ADD1: variants seen among roughly 807,000 people sequenced by gnomAD.
ADD1 encodes adducin 1, also known as alpha-adducin.
In ADD1, 24 loss-of-function variants were observed where a neutral mutation model predicts 80.5. The observed-to-expected ratio is 0.30, with a 90% CI of 0.22 to 0.42. The LOEUF (loss-of-function observed/expected upper bound fraction) is 0.42, where lower values mean the gene tolerates loss of function less well. ADD1 is among the 10% of genes least tolerant of loss of function. The probability of loss-of-function intolerance (pLI) is 1.00; values close to 1 mark genes in which losing one functional copy is unlikely to be tolerated. For synonymous variants in ADD1, 373 were observed against 393.8 expected, an observed-to-expected ratio of 0.95 and a Z score of 0.63; for missense variants, 948 against 1,019.0, an observed-to-expected ratio of 0.93 and a Z score of 0.95.
At chr4:2,899,173 T>C (rs1735755047) in intron 8 of ADD1, 86 bp from the exon 9 acceptor site, 20 of 1,379,776 alleles carry the variant, frequency 1.4e-5, no homozygotes, top group Non-Finnish European at 1.9e-5. Flanking sequence ...TTTGGTTTCT[T>C]TTGAAACCTA....
intron 2 of ADD1, among the ~76,000 whole-genome samples, chr4:2,879,605 G>A (rs1358238401): frequency 6.6e-6 from 1 of 152,036 alleles, no homozygotes. Flanking sequence ...TTCAGGAGAT[G>A]CCATCTGTAT....
chr4:2,922,842 G>C (rs995408122), intron 14 of ADD1, among the ~76,000 whole-genome samples: 1 of 152,260 alleles, frequency 6.6e-6, no homozygotes, highest in Non-Finnish European at 1.5e-5. Flanking sequence ...CGCCCAGGGA[G>C]GAGGAATCTA....
intron 1 of ADD1, among the ~76,000 whole-genome samples, chr4:2,865,596 T>G (rs1480102462): frequency 6.6e-6 from 1 of 152,238 alleles, no homozygotes; most frequent in Non-Finnish European, 1.5e-5. Context: ...TTGTTGATTA[T>G]TAAATTCTGT....
chr4:2,900,679 A>C (rs1451764128), intron 9 of ADD1: 1 of 152,214 alleles, frequency 6.6e-6, no homozygotes, highest in Non-Finnish European at 1.5e-5. Flanking sequence ...AAATGTTCTT[A>C]CTGAAATTCT....
At chr4:2,896,708 C>G (rs935611136) in intron 6 of ADD1, among the ~76,000 whole-genome samples, 6 of 152,042 alleles carry the variant, frequency 3.9e-5, no homozygotes, top group African/African-American at 1.5e-4. Flanking sequence ...TTTTAAAGAA[C>G]TATTAAAGGT....
intron 14 of ADD1, among the ~76,000 whole-genome samples, chr4:2,921,648 T>C (rs1456110328): frequency 6.6e-6 from 1 of 152,148 alleles, no homozygotes; most frequent in African/African-American, 2.4e-5. Context: ...ATCTCTGTGG[T>C]GTTTCTGTAT....
intron 9 of ADD1, among the ~76,000 whole-genome samples, chr4:2,904,481 A>ACATTGT (rs1736708034): frequency 6.6e-6 from 1 of 152,238 alleles, no homozygotes; most frequent in Non-Finnish European, 1.5e-5. Context: ...TGTCACTATA[A>ACATTGT]GCCTTCTTAT....
At chr4:2,914,711 A>ATACC in intron 13 of ADD1, 173 bp from the exon 14 acceptor site, 1 of 647,784 alleles carries the variant, frequency 1.5e-6, no homozygotes, top group Non-Finnish European at 2.6e-6. Context: ...TTTCCATTAT[A>ATACC]TACCACTGAA....
At chr4:2,881,826 T>C in intron 2 of ADD1, 72 bp from the exon 3 acceptor site, 1 of 1,395,002 alleles carries the variant, frequency 7.2e-7, no homozygotes, top group African/African-American at 1.5e-5. Context: ...GTCTATGTGA[T>C]AGCTACTTCT....
intron 11 of ADD1, 72 bp from the exon 12 acceptor site, chr4:2,908,443 A>AC (rs2109082766): frequency 7.2e-7 from 1 of 1,379,382 alleles, no homozygotes; most frequent in East Asian, 2.3e-5. Flanking sequence ...GCCCAAGTGC[A>AC]CAAGCAGCAG....
At chr4:2,882,766 G>A (rs573069101) in intron 3 of ADD1, among the ~76,000 whole-genome samples, 190 of 152,300 alleles carry the variant, frequency 1.2e-3, no homozygotes, top group African/African-American at 4.3e-3. Context: ...AATGTCTACA[G>A]AATATTAAGA....
chr4:2,928,112 AG>A, intron 15 of ADD1, 58 bp from the exon 16 acceptor site: 1 of 1,486,176 alleles, frequency 6.7e-7, no homozygotes, highest in South Asian at 1.2e-5. Context: ...CCCCATCTCA[AG>A]CTGCCCTTTG....
At chr4:2,915,137 A>G in intron 14 of ADD1, 97 bp downstream of exon 14, 1 of 1,332,492 alleles carries the variant, frequency 7.5e-7, no homozygotes, top group Middle Eastern at 1.9e-4. Context: ...TGGTGATAAG[A>G]ATAGTCACAT....
Position 2,928,538 on chromosome 4 carries a change from C to T in ADD1, c.*15C>T. 1 of 1,609,614 alleles carries T rather than the reference C, an allele frequency of 6.2e-7. No homozygotes were observed. Among genetic ancestry groups the T allele is most frequent in the South Asian group, 1.1e-5 (1 of 90,754 alleles). On this transcript the variant is annotated 3_prime_UTR_variant, in exon 16 of 16. Coordinates refer to ENST00000683351, the MANE Select transcript of ADD1 (RefSeq NM_001354761.2). ...GTGACTCCTGAAAGCCCTGCGCTAA[C>T]ACTGTCCTGTCCGGAGCGACCCTGG...
intron 1 of ADD1, among the ~76,000 whole-genome samples, chr4:2,870,162 A>G (rs1416159952): frequency 6.6e-6 from 1 of 152,230 alleles, no homozygotes; most frequent in East Asian, 1.9e-4. Flanking sequence ...AAATAATTGA[A>G]TCTGTCCAAA....
At chr4:2,920,657 C>CTTTTTTTTTTTTTTTTTTTTT (rs55649630) in intron 14 of ADD1, among the ~76,000 whole-genome samples, 7 of 136,518 alleles carry the variant, frequency 5.1e-5, no homozygotes, top group African/African-American at 1.1e-4. Flanking sequence ...GCAACTCCTG[C>CTTTTTTTTTTTTTTTTTTTTT]TTTTTTTTTT....
chr4:2,899,183 A>T, intron 8 of ADD1, 76 bp from the exon 9 acceptor site: 2 of 1,445,276 alleles, frequency 1.4e-6, no homozygotes, highest in Non-Finnish European at 9.4e-7. Context: ...TTTGAAACCT[A>T]CATTTTTATT....
At chr4:2,852,198 C>CTTTCTTTCTTTTTCTTTCTTT (rs1491325452) in intron 1 of ADD1, among the ~76,000 whole-genome samples, 1 of 76,586 alleles carries the variant, frequency 1.3e-5, no homozygotes, top group African/African-American at 5.5e-5. Flanking sequence ...TTCTTTCTTT[C>CTTTCTTTCTTTTTCTTTCTTT]CTTTCTTTCC....
chr4:2,921,902 T>C (rs1047965500), intron 14 of ADD1, among the ~76,000 whole-genome samples: 41 of 151,860 alleles, frequency 2.7e-4, no homozygotes, highest in African/African-American at 9.9e-4. Flanking sequence ...CTCTGATATA[T>C]CCTTTCTTCT....
Sources: gnomAD v4.1 joint callset for allele counts (sites outside exome capture counted in the v4.1 genomes callset) on GRCh38, gnomAD v4.1.1 for gene constraint, MANE v1.5 for transcripts, NCBI Gene and HGNC (gene_info 2026-07-23, HGNC 2026-07-21) for gene names.